Variants in PRKCH observed in about 807,000 individuals in gnomAD.
PRKCH encodes protein kinase C eta.
A neutral mutation model predicts 82.5 loss-of-function variants in PRKCH; 28 were observed. The ratio of observed to expected loss-of-function variants is 0.34; its 90% confidence interval spans 0.25 to 0.47. The LOEUF (loss-of-function observed/expected upper bound fraction) is 0.47, where lower values mean the gene tolerates loss of function less well. PRKCH is among the 20% of genes least tolerant of loss of function. PRKCH has a pLI of 1.00. For synonymous variants in PRKCH, 322 were observed against 327.4 expected, an observed-to-expected ratio of 0.98 and a Z score of 0.18; for missense variants, 705 against 881.8, an observed-to-expected ratio of 0.80 and a Z score of 2.54.
intron 1 of PRKCH, among the ~76,000 whole-genome samples, chr14:61,230,892 T>C (rs1443249899): frequency 6.6e-6 from 1 of 152,264 alleles, no homozygotes; most frequent in Non-Finnish European, 1.5e-5. Context: ...TGGTTGATCC[T>C]GGAGAGGAGA....
At chr14:61,498,430 A>G (rs59262481) in intron 10 of PRKCH, among the ~76,000 whole-genome samples, 6,320 of 152,240 alleles carry the variant, frequency 0.042, 439 homozygotes, top group African/African-American at 0.15. Context: ...TCACGCCGTG[A>G]CCACTCCTTG....
At chr14:61,417,766 G>A (rs2209386) in intron 2 of PRKCH, among the ~76,000 whole-genome samples, 31,487 of 152,080 alleles carry the variant, frequency 0.21, 3,655 homozygotes, top group Admixed American at 0.35. Context: ...GAAAGAAAGA[G>A]GAGCCTGTAG....
At chr14:61,202,300 T>G (rs1478459826) in intron 1 of PRKCH, among the ~76,000 whole-genome samples, 1 of 152,218 alleles carries the variant, frequency 6.6e-6, no homozygotes, top group Non-Finnish European at 1.5e-5. Flanking sequence ...CTCTTTTACA[T>G]AGTCCCAGGT....
intron 9 of PRKCH, among the ~76,000 whole-genome samples, chr14:61,481,358 A>T (rs567578304): frequency 9.8e-5 from 15 of 152,326 alleles, no homozygotes; most frequent in Admixed American, 7.8e-4. Flanking sequence ...TTCACTGTGG[A>T]TGCCATTCCA....
chr14:61,487,970 C>A (rs1211460142), intron 10 of PRKCH, among the ~76,000 whole-genome samples: 1 of 152,076 alleles, frequency 6.6e-6, no homozygotes, highest in Admixed American at 6.5e-5. Context: ...TGGCTAACAC[C>A]CTGAAACCCT....
intron 1 of PRKCH, among the ~76,000 whole-genome samples, chr14:61,228,023 T>A (rs983859306): frequency 1.3e-5 from 2 of 152,164 alleles, no homozygotes; most frequent in Non-Finnish European, 2.9e-5. Context: ...GATTGTCTGC[T>A]CCAATTTCTG....
chr14:61,429,891 A>G (rs2140257701), intron 2 of PRKCH, among the ~76,000 whole-genome samples: 1 of 152,208 alleles, frequency 6.6e-6, no homozygotes, highest in African/African-American at 2.4e-5. Context: ...TATAGATGGG[A>G]TTTTGTAGGT....
intron 1 of PRKCH, among the ~76,000 whole-genome samples, chr14:61,339,266 C>T (rs2045898367): frequency 1.3e-5 from 2 of 151,994 alleles, no homozygotes; most frequent in South Asian, 2.1e-4. Context: ...CTGGGCCAGG[C>T]CTTCCCTTCT....
At chr14:61,500,810 C>T (rs75676126) in intron 10 of PRKCH, among the ~76,000 whole-genome samples, 7 of 151,850 alleles carry the variant, frequency 4.6e-5, no homozygotes, top group Admixed American at 6.6e-5. Flanking sequence ...GGGCTGAGCA[C>T]GGGGGTGGGA....
At chr14:61,226,355 T>C (rs1329608680) in intron 1 of PRKCH, among the ~76,000 whole-genome samples, 1 of 152,204 alleles carries the variant, frequency 6.6e-6, no homozygotes, top group Non-Finnish European at 1.5e-5. Flanking sequence ...GATTATATTA[T>C]TCCTTGGCCA....
intron 1 of PRKCH, chr14:61,305,626 C>T (rs929932266): frequency 1.3e-5 from 2 of 152,208 alleles, no homozygotes; most frequent in Admixed American, 1.3e-4. Context: ...CATCTCCAAA[C>T]TGCTCTAACC....
chr14:61,270,953 G>A (rs2045147231), intron 1 of PRKCH, among the ~76,000 whole-genome samples: 1 of 152,176 alleles, frequency 6.6e-6, no homozygotes, highest in Non-Finnish European at 1.5e-5. Flanking sequence ...CAGCCTGGGT[G>A]GCAGAGCAAG....
intron 10 of PRKCH, among the ~76,000 whole-genome samples, chr14:61,494,889 G>A (rs1208592241): frequency 6.6e-6 from 1 of 152,144 alleles, no homozygotes; most frequent in Non-Finnish European, 1.5e-5. Flanking sequence ...ACAATATTTT[G>A]GAATTGCAAG....
intron 10 of PRKCH, among the ~76,000 whole-genome samples, chr14:61,519,434 A>G (rs1242247778): frequency 6.6e-6 from 1 of 152,180 alleles, no homozygotes; most frequent in East Asian, 1.9e-4. Flanking sequence ...TGAAGTAACC[A>G]GATTCAAATA....
chr14:61,440,689 C>G (rs4636825), intron 2 of PRKCH, among the ~76,000 whole-genome samples: 112,732 of 151,886 alleles, frequency 0.74, 46,209 homozygotes, highest in Non-Finnish European at 0.91. Context: ...TCCTGGCCAA[C>G]ATGGTGAAAC....
Position 61,485,483 on chromosome 14 carries a change from C to T in PRKCH, c.1279-19C>T. On this transcript the variant is annotated intron_variant, in intron 9 of 13. Coordinates refer to ENST00000332981, the MANE Select transcript of PRKCH (RefSeq NM_006255.5). ...TAATTGCTACACCACATTGGGCCCT[C>T]TCTTGTGTTTGTATCCAGGATCGTC... The T allele has an allele frequency of 6.2e-7, 1 of 1,612,274 alleles. No individual in the cohort carries two copies. The highest frequency in any genetic ancestry group is 1.1e-5 in the South Asian group (1 of 90,878).
upstream of PRKCH, among the ~76,000 whole-genome samples, chr14:61,318,343 G>A (rs565836146): frequency 1.7e-4 from 25 of 149,718 alleles, no homozygotes; most frequent in South Asian, 4.6e-3. Flanking sequence ...ACACAGGCAC[G>A]TGCCCTGGCT....
intron 1 of PRKCH, among the ~76,000 whole-genome samples, chr14:61,293,751 C>T (rs1220564342): frequency 6.6e-6 from 1 of 152,178 alleles, no homozygotes; most frequent in Non-Finnish European, 1.5e-5. Context: ...TTAGAGCGGT[C>T]AGCCTCTGCT....
chr14:61,359,124 C>T (rs572472734), intron 1 of PRKCH, among the ~76,000 whole-genome samples: 1 of 152,268 alleles, frequency 6.6e-6, no homozygotes, highest in South Asian at 2.1e-4. Flanking sequence ...GGATGCTTGA[C>T]ATGTAGTAAG....
Sources: allele counts gnomAD v4.1 joint callset (sites outside exome capture counted in the v4.1 genomes callset), GRCh38; gene constraint gnomAD v4.1.1; transcripts MANE v1.5; gene names NCBI Gene and HGNC (gene_info 2026-07-23, HGNC 2026-07-21).